GABRG3: variants seen among roughly 807,000 people sequenced by gnomAD.
The protein encoded by GABRG3 is gamma-aminobutyric acid receptor subunit gamma-3.
In GABRG3, 25 loss-of-function variants were observed where a neutral mutation model predicts 48.8. That is an observed-to-expected ratio of 0.51 (90% CI 0.37 to 0.72). GABRG3 has a LOEUF of 0.72. Ranked by LOEUF, GABRG3 falls within the 30% of genes least tolerant of loss-of-function variation. GABRG3 has a pLI of 0.00. For synonymous variants in GABRG3, 227 were observed against 217.6 expected (o/e 1.04, Z -0.38); for missense variants, 394 against 577.9 (o/e 0.68, Z 3.26).
At chr15:27,468,880 G>A (rs935368852) in intron 5 of GABRG3, among the ~76,000 whole-genome samples, 1 of 152,192 alleles carries the variant, frequency 6.6e-6, no homozygotes, top group Non-Finnish European at 1.5e-5. Flanking sequence ...TTCTATTCAT[G>A]AAATTGTGAA....
At chr15:27,019,011 T>TA (rs1402520746) in intron 2 of GABRG3, among the ~76,000 whole-genome samples, 2 of 148,336 alleles carry the variant, frequency 1.3e-5, no homozygotes, top group Admixed American at 6.8e-5. Context: ...ATGATGATGG[T>TA]AAAAAACAGT....
At chr15:27,308,786 A>G (rs1035248006) in intron 3 of GABRG3, among the ~76,000 whole-genome samples, 1 of 150,170 alleles carries the variant, frequency 6.7e-6, no homozygotes, top group Non-Finnish European at 1.5e-5. Context: ...ATAAAACACA[A>G]TGTAAACATA....
chr15:27,512,748 G>C (rs1233361161), intron 6 of GABRG3, among the ~76,000 whole-genome samples: 4 of 152,168 alleles, frequency 2.6e-5, no homozygotes, highest in South Asian at 4.1e-4. Flanking sequence ...CACTGCTCAA[G>C]GGCAAAGCCC....
At chr15:27,440,500 C>A (rs1305204152) in intron 5 of GABRG3, among the ~76,000 whole-genome samples, 1 of 152,166 alleles carries the variant, frequency 6.6e-6, no homozygotes, top group Non-Finnish European at 1.5e-5. Flanking sequence ...TGATGCCATC[C>A]GGAATATCAA....
chr15:27,088,981 C>T (rs1198998353), intron 3 of GABRG3, among the ~76,000 whole-genome samples: 2 of 152,052 alleles, frequency 1.3e-5, no homozygotes, highest in Non-Finnish European at 2.9e-5. Flanking sequence ...CCGATGAACA[C>T]GGGAGAGCCT....
At chr15:27,177,445 C>T (rs1887783103) in intron 3 of GABRG3, among the ~76,000 whole-genome samples, 1 of 152,214 alleles carries the variant, frequency 6.6e-6, no homozygotes, top group Admixed American at 6.5e-5. Flanking sequence ...TAGCAGTATT[C>T]AAGCCCCATG....
chr15:27,212,239 T>A (rs1889102603), intron 3 of GABRG3, among the ~76,000 whole-genome samples: 1 of 152,176 alleles, frequency 6.6e-6, no homozygotes, highest in South Asian at 2.1e-4. Flanking sequence ...AACAGTGGCA[T>A]ACATGTAATC....
Position 27,533,043 on chromosome 15 carries a change from T to C in GABRG3, c.*162T>C. 1 of 634,248 alleles carries C rather than the reference T, an allele frequency of 1.6e-6. No homozygotes were observed. Among genetic ancestry groups the C allele is most frequent in the Non-Finnish European group, 2.7e-6 (1 of 369,306 alleles). The allele number at this position is 634,248 out of a possible 1,614,324, so 39.3% of individuals were successfully genotyped here. A position where few individuals can be genotyped will look rare whatever the true frequency, so the allele number is the denominator to read the frequency against. The stretch of plus-strand genomic sequence containing the variant: ...ACACAGGAAGTACCCAGCAAAGGTT[T>C]CTATTATGTATTTTACACACACACA... On this transcript the variant is annotated 3_prime_UTR_variant, in exon 10 of 10. Coordinates refer to ENST00000615808, the MANE Select transcript of GABRG3 (RefSeq NM_033223.5).
chr15:27,237,139 A>G (rs893337630), intron 3 of GABRG3, among the ~76,000 whole-genome samples: 1 of 152,238 alleles, frequency 6.6e-6, no homozygotes, highest in Non-Finnish European at 1.5e-5. Context: ...TGAAGCCTAG[A>G]ATGGCTGTGA....
intron 3 of GABRG3, among the ~76,000 whole-genome samples, chr15:27,051,615 A>G (rs1026431871): frequency 6.6e-6 from 1 of 152,206 alleles, no homozygotes; most frequent in African/African-American, 2.4e-5. Context: ...GGAAGATACC[A>G]TCTAAGACAG....
chr15:27,221,841 A>G (rs1038288085), intron 3 of GABRG3, among the ~76,000 whole-genome samples: 1 of 152,212 alleles, frequency 6.6e-6, no homozygotes, highest in Admixed American at 6.5e-5. Flanking sequence ...GATGGCAAAT[A>G]AAGATGATGA....
At chr15:27,230,452 T>C (rs1889762356) in intron 3 of GABRG3, among the ~76,000 whole-genome samples, 1 of 152,238 alleles carries the variant, frequency 6.6e-6, no homozygotes. Flanking sequence ...GCACAATTAA[T>C]TCATTGCTAT....
chr15:27,397,778 C>T (rs1176800112), intron 5 of GABRG3, among the ~76,000 whole-genome samples: 2 of 151,358 alleles, frequency 1.3e-5, no homozygotes, highest in East Asian at 3.9e-4. Context: ...ATCTCAAATT[C>T]CAAGGCATTT....
intron 3 of GABRG3, among the ~76,000 whole-genome samples, chr15:27,269,514 C>T (rs751084): frequency 0.59 from 90,364 of 151,966 alleles, 27,500 homozygotes; most frequent in Non-Finnish European, 0.65. Flanking sequence ...CTTCCCCACA[C>T]TGTGTTCTCG....
At chr15:27,029,165 T>C (rs1412784695) in intron 3 of GABRG3, among the ~76,000 whole-genome samples, 1 of 152,220 alleles carries the variant, frequency 6.6e-6, no homozygotes, top group African/African-American at 2.4e-5. Context: ...GTTTTCTTTC[T>C]AGCATGGCTC....
At chr15:27,121,371 G>T (rs969638577) in intron 3 of GABRG3, among the ~76,000 whole-genome samples, 7 of 152,226 alleles carry the variant, frequency 4.6e-5, no homozygotes, top group Non-Finnish European at 1.0e-4. Flanking sequence ...CAGCTTCAGA[G>T]ATGAGAGCCT....
chr15:27,075,455 A>G (rs553390241), intron 3 of GABRG3, among the ~76,000 whole-genome samples: 1 of 152,342 alleles, frequency 6.6e-6, no homozygotes, highest in African/African-American at 2.4e-5. Context: ...TGGACTATGC[A>G]ATGAATAAGT....
chr15:27,271,523 C>T (rs1891088372), intron 3 of GABRG3: 1 of 455,698 alleles, frequency 2.2e-6, no homozygotes, highest in South Asian at 1.5e-5. Context: ...CAGGCCACGC[C>T]CTTTAGGAGA....
At position 27,308,750 on chromosome 15, in the gene GABRG3, CAT is replaced by C. The variant is rs371211026; in HGVS notation, c.271-18055_271-18054del. On this transcript the variant is annotated intron_variant, in intron 3 of 9. Coordinates refer to ENST00000615808, the MANE Select transcript of GABRG3 (RefSeq NM_033223.5). ...ATGTAAACATACGTTTATATGTAAA[CAT>C]ATAATGTAAACATACGTTTATATAT... is the stretch of plus-strand genomic sequence containing the variant. 3.7e-3 allele frequency among the ~76,000 whole-genome samples: 543 copies of C among 148,058 alleles called. 1 individual carries two copies. Among genetic ancestry groups the C allele is most frequent in the African/African-American group, 0.012 (483 of 40,562 alleles).
Sources: gnomAD v4.1 joint callset for allele counts (sites outside exome capture counted in the v4.1 genomes callset) on GRCh38, gnomAD v4.1.1 for gene constraint, MANE v1.5 for transcripts, NCBI Gene and HGNC (gene_info 2026-07-23, HGNC 2026-07-21) for gene names.